Variants in SENP7 observed in about 807,000 individuals in gnomAD.
SENP7 encodes the protein sentrin-specific protease 7.
SENP7 carries 64 observed loss-of-function variants against 141.2 expected under a neutral mutation model. The ratio of observed to expected loss-of-function variants is 0.45; its 90% confidence interval spans 0.37 to 0.56. SENP7 has a LOEUF of 0.56. Among genes scored for constraint, SENP7 ranks in the 20% least tolerant of loss-of-function variants. SENP7 has a pLI of 0.00. For synonymous variants in SENP7, 382 were observed against 426.4 expected, an observed-to-expected ratio of 0.90 and a Z score of 1.28; for missense variants, 1,025 against 1,212.2, an observed-to-expected ratio of 0.85 and a Z score of 2.29.
At chr3:101,417,531 G>T in intron 5 of SENP7, 62 bp downstream of exon 5, 1 of 1,307,590 alleles carries the variant, frequency 7.6e-7, no homozygotes, top group Non-Finnish European at 1.1e-6. Context: ...ATCATTAGGA[G>T]TACGGGATTC....
At chr3:101,378,003 G>A (rs909983981) in intron 6 of SENP7, among the ~76,000 whole-genome samples, 3 of 152,094 alleles carry the variant, frequency 2.0e-5, no homozygotes, top group Admixed American at 6.6e-5. Flanking sequence ...CATGCCTAGC[G>A]TTCCAGTAAT....
chr3:101,419,464 G>A (rs565676191), intron 4 of SENP7, among the ~76,000 whole-genome samples: 5 of 152,286 alleles, frequency 3.3e-5, no homozygotes, highest in South Asian at 2.1e-4. Context: ...ATTAATTTAC[G>A]GAGATGATGA....
intron 11 of SENP7, among the ~76,000 whole-genome samples, chr3:101,354,630 T>C (rs2059692111): frequency 6.6e-6 from 1 of 152,106 alleles, no homozygotes; most frequent in African/African-American, 2.4e-5. Flanking sequence ...ACATGTTCTT[T>C]ATCCAATCTG....
Position 101,372,030 on chromosome 3 carries a change from T to C in SENP7, c.774A>G (p.Leu258=), listed in dbSNP as rs762562082. The part of the protein sequence containing the change: ...KRRKDDGISL[L]ISDTQPEDLN... ...AACCTTCAGGCTGAGTATCAGATAT[T>C]AAAAGAGAAATGCCATCATCCTTTC... is the stretch of plus-strand genomic sequence containing the variant. The change falls in exon 7 of 24, where the codon TTA becomes TTG. Residue 258 remains leucine, a synonymous_variant. Transcript: ENST00000394095. 1.3e-6 allele frequency: 2 copies of C among 1,552,354 alleles called. No homozygotes were observed.
At chr3:101,344,797 T>C (rs2059412449) in intron 13 of SENP7, among the ~76,000 whole-genome samples, 1 of 151,916 alleles carries the variant, frequency 6.6e-6, no homozygotes, top group African/African-American at 2.4e-5. Flanking sequence ...TTATTTAACT[T>C]TGCTGCAAAT....
intron 6 of SENP7, among the ~76,000 whole-genome samples, chr3:101,398,626 G>C (rs1200652035): frequency 6.6e-6 from 1 of 152,188 alleles, no homozygotes; most frequent in African/African-American, 2.4e-5. Flanking sequence ...TTTTCATTAA[G>C]TGTCTGTATC....
In SENP7 at chr3:101,364,861, T is replaced by C; in HGVS notation, c.1449A>G (p.Leu483=). ...GTACAGATTCACATGTAATCAATGG[T>C]AGTTCTAACAATGCTGATTCAGAAG... The part of the protein sequence containing the change: ...ESTSESALLE[L]PLITCESVQM... The change falls in exon 10 of 24, where the codon CTA becomes CTG. Residue 483 remains leucine, a synonymous_variant. Transcript: ENST00000394095. The C allele has an allele frequency of 1.3e-6, 2 of 1,599,144 alleles. No homozygotes were observed. Among genetic ancestry groups the C allele is most frequent in the Non-Finnish European group, 1.7e-6 (2 of 1,172,516 alleles).
intron 4 of SENP7, among the ~76,000 whole-genome samples, chr3:101,440,595 AAAG>A (rs1355660036): frequency 1.3e-5 from 2 of 151,322 alleles, no homozygotes; most frequent in East Asian, 1.9e-4. Context: ...AAAAAAAAAA[AAAG>A]AATGAGTATC....
At chr3:101,498,167 A>G (rs1254231974) in intron 2 of SENP7, among the ~76,000 whole-genome samples, 1 of 152,224 alleles carries the variant, frequency 6.6e-6, no homozygotes, top group Non-Finnish European at 1.5e-5. Flanking sequence ...AATACCACAT[A>G]TATAAATTTG....
At chr3:101,512,183 G>T (rs1324825088) in intron 1 of SENP7, among the ~76,000 whole-genome samples, 1 of 152,204 alleles carries the variant, frequency 6.6e-6, no homozygotes, top group Non-Finnish European at 1.5e-5. Flanking sequence ...ACAGAAAAAT[G>T]AAATGAAATA....
intron 4 of SENP7, among the ~76,000 whole-genome samples, chr3:101,424,007 C>G (rs1250186017): frequency 6.6e-6 from 1 of 152,112 alleles, no homozygotes; most frequent in Non-Finnish European, 1.5e-5. Context: ...GAGGGCCATC[C>G]CTCTAGGCTT....
intron 3 of SENP7, among the ~76,000 whole-genome samples, chr3:101,489,506 C>CAGATAAA (rs796456103): frequency 0.13 from 19,610 of 151,924 alleles, 1,316 homozygotes; most frequent in South Asian, 0.18. Flanking sequence ...GCAGGAGCCA[C>CAGATAAA]TATTCTTATA....
chr3:101,364,898 T>C lies in SENP7; in HGVS notation c.1412A>G (p.Glu471Gly), dbSNP rs767754491. ...QSKQDRETTN[E>G]NESTSESALL... is the part of the protein sequence containing the mutation. ...TGCTGATTCAGAAGTACTCTCATTTTCATTAGTTGTCTCACGGTCTTGCTT... is the reference window on the plus strand; with the variant it reads ...TGCTGATTCAGAAGTACTCTCATTTCCATTAGTTGTCTCACGGTCTTGCTT... The change falls in exon 10 of 24, where the codon GAA becomes GGA. Residue 471 changes from glutamate (E) to glycine (G), a missense_variant. By Grantham distance (98) the Glu-to-Gly change is moderately conservative (BLOSUM62 -2). Transcript: ENST00000394095. 53 of 1,604,572 alleles carry C rather than the reference T, an allele frequency of 3.3e-5. No individual in the cohort carries two copies. In the South Asian group the frequency reaches 5.9e-4, roughly 18 times the overall value.
At chr3:101,403,474 CTAGTGGAAG>C (rs1460309891) in intron 5 of SENP7, among the ~76,000 whole-genome samples, 3 of 152,170 alleles carry the variant, frequency 2.0e-5, no homozygotes, top group African/African-American at 4.8e-5. Flanking sequence ...AGTAGCTTTC[CTAGTGGAAG>C]AACCTGGGCC....
At chr3:101,390,047 C>T (rs2060768232) in intron 6 of SENP7, among the ~76,000 whole-genome samples, 1 of 151,688 alleles carries the variant, frequency 6.6e-6, no homozygotes, top group Admixed American at 6.6e-5. Context: ...TGGTGAAACC[C>T]CATCTCTACT....
intron 3 of SENP7, among the ~76,000 whole-genome samples, chr3:101,468,297 CAGG>C (rs1399990553): frequency 6.6e-6 from 1 of 152,134 alleles, no homozygotes; most frequent in Non-Finnish European, 1.5e-5. Flanking sequence ...GGATATTATC[CAGG>C]AGAACTTCCC....
chr3:101,455,370 G>A (rs13317043), intron 4 of SENP7, among the ~76,000 whole-genome samples: 60,353 of 151,974 alleles, frequency 0.4, 12,493 homozygotes, highest in Admixed American at 0.54. Context: ...AATTAAATAA[G>A]ACAGTTTAGG....
intron 6 of SENP7, among the ~76,000 whole-genome samples, chr3:101,392,116 G>A (rs2060833890): frequency 6.6e-6 from 1 of 152,240 alleles, no homozygotes; most frequent in Middle Eastern, 3.4e-3. Flanking sequence ...AAATTATACT[G>A]ATTGAATAAA....
intron 6 of SENP7, among the ~76,000 whole-genome samples, chr3:101,380,443 C>T (rs56857432): frequency 1.1e-5 from 1 of 94,204 alleles, no homozygotes; most frequent in African/African-American, 3.4e-5. Flanking sequence ...CCGCCCCCCC[C>T]CCCACACACA....
Sources: gnomAD v4.1 joint callset for allele counts (sites outside exome capture counted in the v4.1 genomes callset) on GRCh38, gnomAD v4.1.1 for gene constraint, MANE v1.5 for transcripts, NCBI Gene and HGNC (gene_info 2026-07-23, HGNC 2026-07-21) for gene names.